CBFB: variants seen among roughly 807,000 people sequenced by gnomAD.
CBFB encodes core-binding factor subunit beta.
Under a neutral mutation model 30.4 loss-of-function variants are expected in CBFB, and 9 were observed. That is an observed-to-expected ratio of 0.30 (90% CI 0.18 to 0.52). CBFB has a LOEUF of 0.52. Among genes scored for constraint, CBFB ranks in the 20% least tolerant of loss-of-function variants. The pLI is 0.97. For missense variants in CBFB, 170 were observed against 244.0 expected, an observed-to-expected ratio of 0.70 and a Z score of 2.02; for synonymous variants, 94 against 84.0, an observed-to-expected ratio of 1.12 and a Z score of -0.65.
chr16:67,034,255 T>A (rs1966405874), intron 2 of CBFB, among the ~76,000 whole-genome samples: 1 of 152,212 alleles, frequency 6.6e-6, no homozygotes, highest in African/African-American at 2.4e-5. Context: ...CTAATACATA[T>A]TTCTAATTCT....
At chr16:67,053,751 G>A (rs1368272398) in intron 3 of CBFB, among the ~76,000 whole-genome samples, 1 of 152,044 alleles carries the variant, frequency 6.6e-6, no homozygotes, top group East Asian at 1.9e-4. Flanking sequence ...ATTGCTCACC[G>A]TGTGCCGGAG....
At chr16:67,063,944 A>G (rs949521123) in intron 3 of CBFB, among the ~76,000 whole-genome samples, 6 of 152,202 alleles carry the variant, frequency 3.9e-5, no homozygotes, top group Non-Finnish European at 4.4e-5. Context: ...AGATTTTTAT[A>G]TAATTAAACA....
chr16:67,044,531 TTCTTTCTGGAC>T (rs1470998079), intron 3 of CBFB, among the ~76,000 whole-genome samples: 2 of 152,214 alleles, frequency 1.3e-5, no homozygotes, highest in African/African-American at 4.8e-5. Context: ...TGTATTTTTT[TTCTTTCTGGAC>T]TTTATACTTA....
rs182597059 is a variant in CBFB at position 67,090,968 on chromosome 16, A to G, written c.496-7742A>G. ...CTCTATTTATTTTAAATTTCCGAAG[A>G]CTTCAGTTTTCAAATTATTTAACTC... On this transcript the variant is annotated intron_variant, in intron 5 of 5. Coordinates refer to ENST00000412916, the MANE Select transcript of CBFB (RefSeq NM_022845.3). Among the ~76,000 whole-genome samples the G allele has an allele frequency of 6.7e-3, 1,022 of 152,292 alleles. 1 individual carries two copies. The highest frequency in any genetic ancestry group is 9.8e-3 in the Non-Finnish European group (665 of 68,024).
intron 3 of CBFB, among the ~76,000 whole-genome samples, chr16:67,053,956 C>CCTTAGCTGGTCCCAGCAGTGGGGAAGG (rs1960639972): frequency 6.6e-6 from 1 of 151,360 alleles, no homozygotes; most frequent in African/African-American, 2.4e-5. Flanking sequence ...AAATGAGTGT[C>CCTTAGCTGGTCCCAGCAGTGGGGAAGG]CTTAGCTGGT....
intron 3 of CBFB, among the ~76,000 whole-genome samples, chr16:67,038,334 G>A (rs1429527744): frequency 1.3e-5 from 2 of 150,718 alleles, no homozygotes; most frequent in Non-Finnish European, 2.9e-5. Flanking sequence ...ATATGTGTGT[G>A]TATATATGTA....
chr16:67,062,460 G>A (rs1378289717), intron 3 of CBFB, among the ~76,000 whole-genome samples: 4 of 150,788 alleles, frequency 2.7e-5, no homozygotes, highest in East Asian at 4.1e-4. Context: ...GTGAGCCACC[G>A]TGCCCAGCCA....
At chr16:67,053,627 G>T (rs1480204703) in intron 3 of CBFB, among the ~76,000 whole-genome samples, 1 of 151,870 alleles carries the variant, frequency 6.6e-6, no homozygotes, top group Non-Finnish European at 1.5e-5. Flanking sequence ...TCCGGATTCA[G>T]CTTCCCTGTG....
At chr16:67,064,163 A>AC (rs1233710607) in intron 3 of CBFB, among the ~76,000 whole-genome samples, 6 of 152,078 alleles carry the variant, frequency 3.9e-5, no homozygotes, top group Non-Finnish European at 8.8e-5. Context: ...TTATTCAGAA[A>AC]CTCATGTTAA....
intron 3 of CBFB, among the ~76,000 whole-genome samples, chr16:67,045,587 C>T (rs1966611459): frequency 6.6e-6 from 1 of 152,084 alleles, no homozygotes; most frequent in Non-Finnish European, 1.5e-5. Flanking sequence ...CGTGAATCTG[C>T]ATACATGGTA....
At chr16:67,041,273 T>A (rs1350853373) in intron 3 of CBFB, among the ~76,000 whole-genome samples, 1 of 152,168 alleles carries the variant, frequency 6.6e-6, no homozygotes, top group Non-Finnish European at 1.5e-5. Flanking sequence ...TTATCTACGT[T>A]AGGTTTTGAC....
rs200704915 is a variant in CBFB, at chr16:67,059,979, T to TC, written c.283-6703_283-6702insC. 5.2e-4 allele frequency among the ~76,000 whole-genome samples: 78 copies of TC among 151,122 alleles called. 1 individual carries two copies. The highest frequency in any genetic ancestry group is 1.3e-3 in the African/African-American group (52 of 41,200). ...TTAATTCTTTCTTTCTTTCTTTCTT[T>TC]TTTTTTTTTTGTTGAGACAGAGTTT... On this transcript the variant is annotated intron_variant, in intron 3 of 5. Coordinates refer to ENST00000412916, the MANE Select transcript of CBFB (RefSeq NM_022845.3).
chr16:67,066,565 A>G (rs1567615653), intron 3 of CBFB, 117 bp from the exon 4 acceptor site: 2 of 540,514 alleles, frequency 3.7e-6, no homozygotes, highest in Admixed American at 2.8e-5. Flanking sequence ...ATCTCAATCA[A>G]TCAGTCAATC....
chr16:67,072,131 T>C (rs1288635964), intron 4 of CBFB, among the ~76,000 whole-genome samples: 2 of 152,250 alleles, frequency 1.3e-5, no homozygotes, highest in Non-Finnish European at 2.9e-5. Flanking sequence ...ATATTACTTA[T>C]TGTAACTGTA....
At chr16:67,089,255 A>G (rs1441739214) in intron 5 of CBFB, among the ~76,000 whole-genome samples, 1 of 152,144 alleles carries the variant, frequency 6.6e-6, no homozygotes, top group African/African-American at 2.4e-5. Context: ...AGTACTGTGT[A>G]TAATATCTTA....
At position 67,084,468 on chromosome 16, in the gene CBFB, T is replaced by C. The variant is rs1033069778; in HGVS notation, c.495+2160T>C. Among the ~76,000 whole-genome samples, 4 of 152,280 alleles carry C rather than the reference T, an allele frequency of 2.6e-5. No individual in the cohort carries two copies. In the East Asian group the frequency reaches 7.7e-4, roughly 29 times the overall value. On this transcript the variant is annotated intron_variant, in intron 5 of 5. Transcript: ENST00000412916. ...TCATGTCCTATATACTTTTGGAATC[T>C]ACAGACAGTAGAATAGTGGTTGCCG...
intron 4 of CBFB, among the ~76,000 whole-genome samples, chr16:67,080,747 T>C (rs1961532106): frequency 6.6e-6 from 1 of 152,236 alleles, no homozygotes; most frequent in African/African-American, 2.4e-5. Flanking sequence ...TTTATATTTC[T>C]GGCTTTAGTT....
intron 3 of CBFB, among the ~76,000 whole-genome samples, chr16:67,048,306 A>C (rs1268931909): frequency 6.6e-6 from 1 of 152,180 alleles, no homozygotes; most frequent in Non-Finnish European, 1.5e-5. Flanking sequence ...GTATTGGCCA[A>C]GGTTAAAATA....
chr16:67,076,621 A>G (rs1223598403), intron 4 of CBFB, among the ~76,000 whole-genome samples: 1 of 152,194 alleles, frequency 6.6e-6, no homozygotes, highest in Admixed American at 6.5e-5. Flanking sequence ...GAAACAGGGT[A>G]GAGCAGCACA....
Sources: gnomAD v4.1 joint callset for allele counts (sites outside exome capture counted in the v4.1 genomes callset) on GRCh38, gnomAD v4.1.1 for gene constraint, MANE v1.5 for transcripts, NCBI Gene and HGNC (gene_info 2026-07-23, HGNC 2026-07-21) for gene names.